BAIAP2L1: variants seen among roughly 807,000 people sequenced by gnomAD.
The protein encoded by BAIAP2L1 is BAR/IMD domain containing adaptor protein 2 like 1.
BAIAP2L1 carries 35 observed loss-of-function variants against 66.3 expected under a neutral mutation model. That is an observed-to-expected ratio of 0.53 (90% CI 0.40 to 0.70). The LOEUF is 0.70. BAIAP2L1 is among the 30% of genes least tolerant of loss of function. BAIAP2L1 has a pLI of 0.00. For synonymous variants in BAIAP2L1, 269 were observed against 248.7 expected (o/e 1.08, Z -0.77); for missense variants, 622 against 656.9 (o/e 0.95, Z 0.58).
At chr7:98,310,184 TATGTTTA>T in intron 9 of BAIAP2L1, 1 of 409,422 alleles carries the variant, frequency 2.4e-6, no homozygotes, top group Non-Finnish European at 4.3e-6. Context: ...TTCTCAACAG[TATGTTTA>T]CTCTGGATAA....
intron 1 of BAIAP2L1, among the ~76,000 whole-genome samples, chr7:98,393,111 GTACACATATATGTATATA>G (rs1803098973): frequency 1.2e-5 from 1 of 80,792 alleles, no homozygotes; most frequent in African/African-American, 4.8e-5. Flanking sequence ...GTACATATAT[GTACACATATATGTATATA>G]TACACACATA....
Position 98,293,545 on chromosome 7 carries a change from ATCATTCGTCACAGT to A in BAIAP2L1, c.1498_1511del (p.Thr500SerfsTer35). The A allele has an allele frequency of 6.2e-7, 1 of 1,613,770 alleles. No individual in the cohort carries two copies. Among genetic ancestry groups the A allele is most frequent in the Admixed American group, 1.7e-5 (1 of 60,022 alleles). On this transcript the variant is annotated frameshift_variant, in exon 14 of 14. Transcript: ENST00000005260. LOFTEE classifies it high-confidence loss of function. Reference sequence around the variant, plus strand: ...CTCATCGAATGATGGGTGCCGAGCGATCATTCGTCACAGTCGGGCGGAGTTTCACAGTGGCAAAG... The same window carrying A: ...CTCATCGAATGATGGGTGCCGAGCGACGGGCGGAGTTTCACAGTGGCAAAG...
rs568939734 is a variant in BAIAP2L1 at position 98,293,383 on chromosome 7, T to A, written c.*138A>T. The A allele has an allele frequency of 7.9e-6, 6 of 761,698 alleles. No individual in the cohort carries two copies. In the African/African-American group the frequency reaches 8.6e-5, roughly 11 times the overall value. The allele number at this position is 761,698 out of a possible 1,614,324, so 47.2% of individuals were successfully genotyped here. ...CCCAACTACGTGAAACAGAGAAGCATGATTTGCTTAAGCAGGCGACATTAG... is the reference window on the plus strand; with the variant it reads ...CCCAACTACGTGAAACAGAGAAGCAAGATTTGCTTAAGCAGGCGACATTAG... On this transcript the variant is annotated 3_prime_UTR_variant, in exon 14 of 14. Coordinates refer to ENST00000005260, the MANE Select transcript of BAIAP2L1 (RefSeq NM_018842.5).
intron 12 of BAIAP2L1, among the ~76,000 whole-genome samples, chr7:98,299,108 C>T (rs532818275): frequency 4.6e-5 from 7 of 152,190 alleles, no homozygotes; most frequent in South Asian, 2.1e-4. Flanking sequence ...CTCTGCCTCC[C>T]GGGTTCAACT....
At chr7:98,368,001 T>G (rs1265967267) in intron 1 of BAIAP2L1, among the ~76,000 whole-genome samples, 6 of 152,150 alleles carry the variant, frequency 3.9e-5, no homozygotes, top group Non-Finnish European at 8.8e-5. Flanking sequence ...TACGGAACTG[T>G]TCCACTAACA....
intron 3 of BAIAP2L1, among the ~76,000 whole-genome samples, chr7:98,329,266 T>C (rs889239710): frequency 2.6e-5 from 4 of 152,168 alleles, no homozygotes; most frequent in African/African-American, 9.7e-5. Flanking sequence ...AGGGTGAAGA[T>C]GTACCCTGAA....
intron 3 of BAIAP2L1, among the ~76,000 whole-genome samples, chr7:98,328,206 G>A (rs990432680): frequency 6.6e-6 from 1 of 152,188 alleles, no homozygotes; most frequent in East Asian, 1.9e-4. Flanking sequence ...AGGAAGATGG[G>A]AAGGCTGGCT....
rs1342293399 is a variant in BAIAP2L1 at position 98,345,916 on chromosome 7, TA to T, written c.214+9125del. Among the ~76,000 whole-genome samples, 736 of 138,398 alleles carry T rather than the reference TA, an allele frequency of 5.3e-3. 2 individuals are homozygous for T. Among genetic ancestry groups the T allele is most frequent in the African/African-American group, 8.7e-3 (330 of 38,144 alleles). 90.8% of individuals were successfully genotyped at this position (138,398 alleles called of 152,430 possible). A position where few individuals can be genotyped will look rare whatever the true frequency, so the allele number is the denominator to read the frequency against. Reference sequence around the variant, plus strand: ...AAAATCATTTATAGGATGGCTATACTAAAAAAAAAAAAGAGACAATAACAAG... The same window carrying T: ...AAAATCATTTATAGGATGGCTATACTAAAAAAAAAAAGAGACAATAACAAG... On this transcript the variant is annotated intron_variant, in intron 3 of 13. Coordinates refer to ENST00000005260, the MANE Select transcript of BAIAP2L1 (RefSeq NM_018842.5).
chr7:98,292,724 T>C lies in BAIAP2L1; in HGVS notation c.*797A>G, dbSNP rs928805123. On this transcript the variant is annotated 3_prime_UTR_variant, in exon 14 of 14. Coordinates refer to ENST00000005260, the MANE Select transcript of BAIAP2L1 (RefSeq NM_018842.5). ...CGGAGAAACCAGGACCCCGAGCAGT[T>C]TGAGTGTACTGGTAATGGATGCAGC... The C allele has an allele frequency of 2.6e-6, 4 of 1,551,468 alleles. No homozygotes were observed. Among genetic ancestry groups the C allele is most frequent in the Non-Finnish European group, 3.5e-6 (4 of 1,146,932 alleles).
At chr7:98,335,410 C>T (rs1288829783) in intron 3 of BAIAP2L1, among the ~76,000 whole-genome samples, 1 of 152,110 alleles carries the variant, frequency 6.6e-6, no homozygotes, top group African/African-American at 2.4e-5. Flanking sequence ...CTCTAGCATT[C>T]CATCCTGTAT....
chr7:98,299,684 A>G (rs1030106337), intron 12 of BAIAP2L1, among the ~76,000 whole-genome samples: 1 of 152,204 alleles, frequency 6.6e-6, no homozygotes, highest in Non-Finnish European at 1.5e-5. Flanking sequence ...GGAACACTGT[A>G]CTATTTTGTA....
intron 1 of BAIAP2L1, among the ~76,000 whole-genome samples, chr7:98,378,804 A>G (rs1802690831): frequency 6.6e-6 from 1 of 151,284 alleles, no homozygotes; most frequent in Non-Finnish European, 1.5e-5. Flanking sequence ...TCCATGGCTC[A>G]GCACTTTGGG....
chr7:98,349,342 A>T (rs2115668517), intron 3 of BAIAP2L1, among the ~76,000 whole-genome samples: 1 of 152,288 alleles, frequency 6.6e-6, no homozygotes, highest in Non-Finnish European at 1.5e-5. Context: ...GTATGGAAGC[A>T]CGTGGCGCAA....
chr7:98,341,025 G>A lies in BAIAP2L1; in HGVS notation c.214+14017C>T, dbSNP rs376701676. Among the ~76,000 whole-genome samples the A allele has an allele frequency of 1.2e-4, 17 of 137,014 alleles. No individual in the cohort carries two copies. The East Asian group carries it at 3.1e-3, about 25-fold the overall frequency. The allele number at this position is 137,014 out of a possible 152,430, so 89.9% of individuals were successfully genotyped here. A position where few individuals can be genotyped will look rare whatever the true frequency, so the allele number is the denominator to read the frequency against. Reference sequence around the variant, plus strand: ...TAACCCTACCTTTCTAATTATTCTAGCTGAGACCTTTCCTGTTCCAAAAGG... The same window carrying A: ...TAACCCTACCTTTCTAATTATTCTAACTGAGACCTTTCCTGTTCCAAAAGG... On this transcript the variant is annotated intron_variant, in intron 3 of 13. Transcript: ENST00000005260.
intron 12 of BAIAP2L1, among the ~76,000 whole-genome samples, chr7:98,299,655 C>G (rs1311637151): frequency 6.6e-6 from 1 of 152,236 alleles, no homozygotes; most frequent in African/African-American, 2.4e-5. Flanking sequence ...CCGTGCCCAG[C>G]TAGAGCAAGT....
Position 98,293,683 on chromosome 7 carries a change from G to A in BAIAP2L1, c.1461-87C>T. On this transcript the variant is annotated intron_variant, in intron 13 of 13. Transcript: ENST00000005260. ...AGTGCTAATAACCCGTTCTTGCCCTGTGAGACTGGGCGGCTGACCACCTCC... is the reference window on the plus strand; with the variant it reads ...AGTGCTAATAACCCGTTCTTGCCCTATGAGACTGGGCGGCTGACCACCTCC... 2.2e-6 allele frequency: 3 copies of A among 1,339,260 alleles called. No individual in the cohort carries two copies. The South Asian group carries it at 3.5e-5, about 16-fold the overall frequency. 83.0% of individuals were successfully genotyped at this position (1,339,260 alleles called of 1,614,324 possible).
intron 1 of BAIAP2L1, among the ~76,000 whole-genome samples, chr7:98,394,204 C>T (rs1803143636): frequency 6.6e-6 from 1 of 152,026 alleles, no homozygotes; most frequent in Non-Finnish European, 1.5e-5. Flanking sequence ...GATCTCGCCA[C>T]TGCACTCCAG....
chr7:98,376,213 A>C (rs1188282679), intron 1 of BAIAP2L1, among the ~76,000 whole-genome samples: 1 of 152,142 alleles, frequency 6.6e-6, no homozygotes, highest in Non-Finnish European at 1.5e-5. Flanking sequence ...TCAATTAAAC[A>C]CTAATCTAGG....
chr7:98,294,288 T>G (rs1385684339), intron 12 of BAIAP2L1, among the ~76,000 whole-genome samples, 177 bp from the exon 13 acceptor site: 1 of 152,220 alleles, frequency 6.6e-6, no homozygotes, highest in Admixed American at 6.5e-5. Context: ...CCGCTGCGAC[T>G]GGCCTGTATT....
Sources: allele counts gnomAD v4.1 joint callset (sites outside exome capture counted in the v4.1 genomes callset), GRCh38; gene constraint gnomAD v4.1.1; transcripts MANE v1.5; gene names NCBI Gene and HGNC (gene_info 2026-07-23, HGNC 2026-07-21).